Variants in CCBE1 observed in about 807,000 individuals in gnomAD.
CCBE1 encodes the protein collagen and calcium binding EGF domains 1, also known as collagen and calcium-binding EGF domain-containing protein 1.
In CCBE1, 37 loss-of-function variants were observed where a neutral mutation model predicts 50.0. That is an observed-to-expected ratio of 0.74 (90% CI 0.57 to 0.97). CCBE1 has a LOEUF of 0.97. CCBE1 is among the 50% of genes least tolerant of loss of function. CCBE1 has a pLI of 0.00. For missense variants in CCBE1, 538 were observed against 523.8 expected, an observed-to-expected ratio of 1.03 and a Z score of -0.26; for synonymous variants, 234 against 203.7, an observed-to-expected ratio of 1.15 and a Z score of -1.27.
At chr18:59,521,560 T>G (rs530736592) in intron 2 of CCBE1, among the ~76,000 whole-genome samples, 1 of 152,332 alleles carries the variant, frequency 6.6e-6, no homozygotes, top group East Asian at 1.9e-4. Flanking sequence ...CTGTTCCCTC[T>G]TCCCACCCAC....
chr18:59,648,999 A>C (rs2054092110), intron 2 of CCBE1, among the ~76,000 whole-genome samples: 1 of 152,228 alleles, frequency 6.6e-6, no homozygotes, highest in Non-Finnish European at 1.5e-5. Context: ...GACACGCTTC[A>C]AACTAACTGC....
chr18:59,697,231 C>A lies in CCBE1; in HGVS notation c.112G>T (p.Glu38Ter). 6.5e-7 allele frequency: 1 copy of A among 1,549,078 alleles called. No individual in the cohort carries two copies. Among genetic ancestry groups the A allele is most frequent in the Non-Finnish European group, 8.7e-7 (1 of 1,146,724 alleles). Residue 38 changes from glutamate (E) to a stop codon, truncating the protein, a stop_gained, in exon 1 of 11, where the codon GAG (glutamate) becomes TAG (stop). Coordinates refer to ENST00000439986, the MANE Select transcript of CCBE1 (RefSeq NM_133459.4). LOFTEE classifies it high-confidence loss of function. Reference sequence around the variant, plus strand: ...GCTTACCTGTCGCCGTCCTCCGGCTCCTCTCTGTAGGTCCACGTGTGTCCC... The same window carrying A: ...GCTTACCTGTCGCCGTCCTCCGGCTACTCTCTGTAGGTCCACGTGTGTCCC... ...ALGHTWTYRE[E>*]PEDGDREICS...
intron 2 of CCBE1, among the ~76,000 whole-genome samples, chr18:59,596,964 A>C (rs945631875): frequency 4.6e-5 from 7 of 152,268 alleles, no homozygotes; most frequent in African/African-American, 1.7e-4. Context: ...ATGAAGAAAG[A>C]AACAGAAGTT....
chr18:59,634,640 G>A (rs1383786157), intron 2 of CCBE1, among the ~76,000 whole-genome samples: 6 of 151,962 alleles, frequency 3.9e-5, no homozygotes, highest in Admixed American at 1.3e-4. Flanking sequence ...ATATCAGATC[G>A]GCATCTTCAA....
At chr18:59,653,921 G>A (rs1327066297) in intron 2 of CCBE1, among the ~76,000 whole-genome samples, 1 of 152,006 alleles carries the variant, frequency 6.6e-6, no homozygotes, top group East Asian at 1.9e-4. Context: ...CAAAAATGTT[G>A]GATTAATAAG....
chr18:59,557,795 A>C (rs1318152517), intron 2 of CCBE1, among the ~76,000 whole-genome samples: 1 of 152,126 alleles, frequency 6.6e-6, no homozygotes, highest in Non-Finnish European at 1.5e-5. Context: ...CAATAAATCT[A>C]TGCTTTCGCT....
chr18:59,480,753 A>ATTTT (rs10636742), intron 2 of CCBE1, among the ~76,000 whole-genome samples: 1 of 149,990 alleles, frequency 6.7e-6, no homozygotes, highest in Non-Finnish European at 1.5e-5. Context: ...CATTTGAGTG[A>ATTTT]TTTTTTTTTT....
intron 6 of CCBE1, among the ~76,000 whole-genome samples, chr18:59,454,174 A>G (rs1297695670): frequency 6.6e-6 from 1 of 152,170 alleles, no homozygotes; most frequent in Non-Finnish European, 1.5e-5. Flanking sequence ...GATAAAATAG[A>G]ATTACTTAGG....
At chr18:59,588,106 C>A (rs1248503965) in intron 2 of CCBE1, among the ~76,000 whole-genome samples, 4 of 152,122 alleles carry the variant, frequency 2.6e-5, no homozygotes, top group African/African-American at 9.7e-5. Context: ...GAATTTGATG[C>A]TAAAATTTAC....
At chr18:59,447,894 G>A (rs1314530174) in intron 7 of CCBE1, 89 bp downstream of exon 7, 7 of 1,593,404 alleles carry the variant, frequency 4.4e-6, no homozygotes, top group African/African-American at 4.0e-5. Context: ...ATGGAAGCTG[G>A]AGAACATTGT....
Position 59,438,942 on chromosome 18 carries a change from G to A in CCBE1, c.951+601C>T, listed in dbSNP as rs561275966. Among the ~76,000 whole-genome samples the A allele has an allele frequency of 8.5e-5, 13 of 152,220 alleles. 1 individual carries two copies. In the South Asian group the frequency reaches 1.9e-3, roughly 22 times the overall value. ...AGACGGGCAGATCACCTGGGGTCAG[G>A]AGTTTAAGGCCAGCCTGGGTAACAT... On this transcript the variant is annotated intron_variant, in intron 9 of 10. Coordinates refer to ENST00000439986, the MANE Select transcript of CCBE1 (RefSeq NM_133459.4).
intron 2 of CCBE1, among the ~76,000 whole-genome samples, chr18:59,574,243 G>A (rs2052957938): frequency 6.6e-6 from 1 of 152,186 alleles, no homozygotes; most frequent in South Asian, 2.1e-4. Flanking sequence ...ACTGACCACA[G>A]TGCAATATTT....
At chr18:59,535,106 C>G (rs1215605673) in intron 2 of CCBE1, among the ~76,000 whole-genome samples, 1 of 152,148 alleles carries the variant, frequency 6.6e-6, no homozygotes, top group African/African-American at 2.4e-5. Context: ...ACTAAAATGT[C>G]TTTGATCTTA....
At chr18:59,547,082 A>AAGAGG (rs1555690942) in intron 2 of CCBE1, among the ~76,000 whole-genome samples, 14 of 82,704 alleles carry the variant, frequency 1.7e-4, no homozygotes, top group Non-Finnish European at 2.4e-4. Flanking sequence ...GGGGAGAGAA[A>AAGAGG]GGGAGAGAGA....
chr18:59,435,095 T>C lies in CCBE1; in HGVS notation c.*813A>G, dbSNP rs1331967994. ...TTGATTAAACAGCTTTAAAATATTA[T>C]AGCAAACGAGAGCCCATTGTTTTAA... On this transcript the variant is annotated 3_prime_UTR_variant, in exon 11 of 11. Coordinates refer to ENST00000439986, the MANE Select transcript of CCBE1 (RefSeq NM_133459.4). 5 of 152,240 alleles carry C rather than the reference T, an allele frequency of 3.3e-5. No homozygotes were observed. Among genetic ancestry groups the C allele is most frequent in the African/African-American group, 9.6e-5 (4 of 41,456 alleles). 9.4% of individuals were successfully genotyped at this position (152,240 alleles called of 1,614,324 possible).
intron 2 of CCBE1, among the ~76,000 whole-genome samples, chr18:59,507,185 C>T (rs1263059222): frequency 2.0e-5 from 3 of 152,210 alleles, no homozygotes; most frequent in Admixed American, 6.5e-5. Flanking sequence ...CAACATCCTC[C>T]TTGCAATTGC....
At chr18:59,687,946 G>A (rs1182787017) in intron 2 of CCBE1, among the ~76,000 whole-genome samples, 1 of 152,050 alleles carries the variant, frequency 6.6e-6, no homozygotes, top group Non-Finnish European at 1.5e-5. Flanking sequence ...GGGCAACAGA[G>A]ATTCCATTTG....
intron 2 of CCBE1, among the ~76,000 whole-genome samples, chr18:59,518,058 G>A (rs764936371): frequency 1.2e-4 from 16 of 137,068 alleles, no homozygotes; most frequent in Admixed American, 2.0e-4. Flanking sequence ...CTTGGTGAGT[G>A]TCCTGAGAAA....
intron 2 of CCBE1, among the ~76,000 whole-genome samples, chr18:59,497,154 C>T (rs1383301586): frequency 2.6e-5 from 4 of 152,110 alleles, no homozygotes; most frequent in Non-Finnish European, 5.9e-5. Context: ...TTATCATCTC[C>T]TGTCTTCGCT....
Sources: allele counts gnomAD v4.1 joint callset (sites outside exome capture counted in the v4.1 genomes callset), GRCh38; gene constraint gnomAD v4.1.1; transcripts MANE v1.5; gene names NCBI Gene and HGNC (gene_info 2026-07-23, HGNC 2026-07-21).